MGST1: variants seen among roughly 807,000 people sequenced by gnomAD.
MGST1 encodes microsomal glutathione S-transferase 1, also known as glutathione S-transferase 12.
Under a neutral mutation model 8.9 loss-of-function variants are expected in MGST1, and 5 were observed. The observed-to-expected ratio is 0.56, with a 90% CI of 0.29 to 1.19. The LOEUF (loss-of-function observed/expected upper bound fraction) is 1.19. Among genes scored for constraint, MGST1 ranks in the 50% most tolerant of loss-of-function variants. The probability of loss-of-function intolerance (pLI) is 0.08; values close to 1 mark genes in which losing one functional copy is unlikely to be tolerated. For missense variants in MGST1, 182 were observed against 187.4 expected, an observed-to-expected ratio of 0.97 and a Z score of 0.17; for synonymous variants, 54 against 67.8, an observed-to-expected ratio of 0.80 and a Z score of 1.00.
At chr12:16,451,643 C>G (rs1216880347) in intron 4 of MGST1, among the ~76,000 whole-genome samples, 4 of 151,784 alleles carry the variant, frequency 2.6e-5, no homozygotes, top group African/African-American at 9.7e-5. Flanking sequence ...ATATGATATA[C>G]AGATCACTAT....
chr12:16,518,550 C>A (rs930385027), intron 4 of MGST1, among the ~76,000 whole-genome samples: 2 of 152,152 alleles, frequency 1.3e-5, no homozygotes, highest in Admixed American at 6.5e-5. Flanking sequence ...TATTCTGTGA[C>A]AGCAGGACCT....
chr12:16,394,074 A>G (rs780856008), intron 1 of MGST1, among the ~76,000 whole-genome samples: 22 of 152,196 alleles, frequency 1.4e-4, no homozygotes, highest in Non-Finnish European at 2.9e-4. Flanking sequence ...ATTTCCAATT[A>G]CACTAGGTAA....
intron 4 of MGST1, among the ~76,000 whole-genome samples, chr12:16,490,226 G>A (rs1941430100): frequency 6.6e-6 from 1 of 152,076 alleles, no homozygotes; most frequent in African/African-American, 2.4e-5. Flanking sequence ...TGATGCCCCT[G>A]CACTCCAGCC....
chr12:16,406,703 A>G (rs7978361), intron 1 of MGST1, among the ~76,000 whole-genome samples: 59,018 of 151,964 alleles, frequency 0.39, 11,567 homozygotes, highest in East Asian at 0.53. Flanking sequence ...TGGTACAAAA[A>G]CAGACACATA....
chr12:16,406,084 G>C (rs1377663959), intron 1 of MGST1, among the ~76,000 whole-genome samples: 2 of 152,098 alleles, frequency 1.3e-5, no homozygotes, highest in East Asian at 3.9e-4. Context: ...CAGAAAGAAA[G>C]AAAGGGCATC....
At position 16,394,558 on chromosome 12, in the gene MGST1, CTTTCTTTCT is replaced by C. The variant is rs1565446444; in HGVS notation, n.778+10957_778+10965del. On this transcript the variant is annotated intron_variant and non_coding_transcript_variant, in intron 1 of 1. Coordinates refer to the MGST1 transcript ENST00000359720. ...TCTTTCTTTCTTTCTTTCTTTCTTT[CTTTCTTTCT>C]TTCTTTCTTCTCTCTGTCTCTCTTT... 1.6e-4 allele frequency among the ~76,000 whole-genome samples: 12 copies of C among 73,218 alleles called. 2 individuals carry two copies. Among genetic ancestry groups the C allele is most frequent in the African/African-American group, 5.3e-4 (12 of 22,476 alleles). 48.0% of individuals were successfully genotyped at this position (73,218 alleles called of 152,430 possible). A position where few individuals can be genotyped will look rare whatever the true frequency, so the allele number is the denominator to read the frequency against.
At chr12:16,588,344 G>A (rs1226673744) in intron 4 of MGST1, among the ~76,000 whole-genome samples, 2 of 151,926 alleles carry the variant, frequency 1.3e-5, no homozygotes, top group Non-Finnish European at 2.9e-5. Context: ...AATAATGTGA[G>A]TAAAAAAGTT....
At chr12:16,400,039 A>C (rs1940641049) in intron 1 of MGST1, 2 of 1,574,546 alleles carry the variant, frequency 1.3e-6, no homozygotes, top group East Asian at 4.5e-5. Flanking sequence ...AGGCACTTCA[A>C]ATTCCAGTTC....
chr12:16,433,177 C>A (rs1279676188), intron 1 of MGST1, among the ~76,000 whole-genome samples: 1 of 152,078 alleles, frequency 6.6e-6, no homozygotes, highest in Non-Finnish European at 1.5e-5. Flanking sequence ...GAGAAAGATG[C>A]AGGCTGGGAG....
intron 4 of MGST1, among the ~76,000 whole-genome samples, chr12:16,529,735 T>C (rs1941710722): frequency 6.6e-6 from 1 of 152,132 alleles, no homozygotes; most frequent in Admixed American, 6.6e-5. Flanking sequence ...TTTGGGCTTG[T>C]GTTATTTGTT....
intron 1 of MGST1, among the ~76,000 whole-genome samples, chr12:16,402,846 G>T (rs987984711): frequency 1.3e-5 from 2 of 150,390 alleles, no homozygotes; most frequent in Non-Finnish European, 3.0e-5. Context: ...ACTGTTTGCC[G>T]CATTATGTCC....
intron 1 of MGST1, among the ~76,000 whole-genome samples, chr12:16,394,109 G>A (rs1030570701): frequency 6.6e-6 from 1 of 152,152 alleles, no homozygotes; most frequent in African/African-American, 2.4e-5. Context: ...CCAAAGTGAT[G>A]GCATTAAAGA....
chr12:16,477,746 T>A (rs1161374286), intron 4 of MGST1, among the ~76,000 whole-genome samples: 1 of 152,222 alleles, frequency 6.6e-6, no homozygotes, highest in East Asian at 1.9e-4. Context: ...CAGCTCCTTC[T>A]ACAGTAGGTT....
At chr12:16,538,971 T>A (rs1414489653) in intron 4 of MGST1, among the ~76,000 whole-genome samples, 1 of 152,168 alleles carries the variant, frequency 6.6e-6, no homozygotes, top group African/African-American at 2.4e-5. Context: ...CAGAAACCCC[T>A]GATAAAACCA....
intron 4 of MGST1, among the ~76,000 whole-genome samples, chr12:16,568,867 T>G (rs959208874): frequency 6.6e-6 from 1 of 152,172 alleles, no homozygotes; most frequent in Admixed American, 6.5e-5. Flanking sequence ...TCCAAAATTT[T>G]CTAACTGAAA....
At chr12:16,354,551 T>C (rs766301729) in intron 2 of MGST1, 173 bp downstream of exon 2, 3 of 505,192 alleles carry the variant, frequency 5.9e-6, no homozygotes, top group Non-Finnish European at 9.9e-6. Flanking sequence ...TATGGAACAG[T>C]TGCTTTCTCC....
chr12:16,422,924 C>T (rs1429143790), intron 1 of MGST1, among the ~76,000 whole-genome samples: 1 of 152,092 alleles, frequency 6.6e-6, no homozygotes, highest in Non-Finnish European at 1.5e-5. Context: ...GTACTCAGCT[C>T]AGTATTCCAG....
rs532044052 is a variant in MGST1 at position 16,523,219 on chromosome 12, T to C, written n.483-66309T>C. Reference sequence around the variant, plus strand: ...CGGGTTTGATTGAATAGAGAAATGTTATTCCTGCTATCACGAAAAGAGCCC... The same window carrying C: ...CGGGTTTGATTGAATAGAGAAATGTCATTCCTGCTATCACGAAAAGAGCCC... On this transcript the variant is annotated intron_variant and non_coding_transcript_variant, in intron 4 of 4. Coordinates refer to the MGST1 transcript ENST00000538857. 2.0e-5 allele frequency among the ~76,000 whole-genome samples: 3 copies of C among 152,154 alleles called. No homozygotes were observed. In the East Asian group the frequency reaches 5.8e-4, roughly 29 times the overall value.
intron 4 of MGST1, among the ~76,000 whole-genome samples, chr12:16,483,576 G>A (rs1180708762): frequency 1.3e-5 from 2 of 151,726 alleles, no homozygotes; most frequent in Non-Finnish European, 1.5e-5. Flanking sequence ...TAGAAATGAA[G>A]GCAAAATATA....
Sources: allele counts gnomAD v4.1 joint callset (sites outside exome capture counted in the v4.1 genomes callset), GRCh38; gene constraint gnomAD v4.1.1; transcripts MANE v1.5; gene names NCBI Gene and HGNC (gene_info 2026-07-23, HGNC 2026-07-21).